Variants in NTM observed in about 807,000 individuals in gnomAD.
The protein encoded by NTM is IgLON family member 2.
A neutral mutation model predicts 42.1 loss-of-function variants in NTM; 13 were observed. The observed-to-expected ratio is 0.31, with a 90% confidence interval of 0.20 to 0.49. NTM has a LOEUF of 0.49. Among genes scored for constraint, NTM ranks in the 20% least tolerant of loss-of-function variants. The pLI is 0.99. For missense variants in NTM, 373 were observed against 452.8 expected (o/e 0.82, Z 1.60); for synonymous variants, 187 against 179.2 (o/e 1.04, Z -0.35).
chr11:131,527,081 C>G (rs1387960445), intron 1 of NTM, among the ~76,000 whole-genome samples: 1 of 152,170 alleles, frequency 6.6e-6, no homozygotes, highest in African/African-American at 2.4e-5. Flanking sequence ...TCTCACCCAG[C>G]CAGTGCATCA....
At chr11:131,513,378 A>G (rs1182121696) in intron 1 of NTM, among the ~76,000 whole-genome samples, 2 of 152,192 alleles carry the variant, frequency 1.3e-5, no homozygotes, top group Non-Finnish European at 2.9e-5. Flanking sequence ...GGCACCCAAG[A>G]GGTCCACAGA....
chr11:131,648,899 T>C (rs1013791795), intron 1 of NTM, among the ~76,000 whole-genome samples: 1 of 152,124 alleles, frequency 6.6e-6, no homozygotes, highest in Non-Finnish European at 1.5e-5. Flanking sequence ...TGGTGGCACA[T>C]CCAGAAAGAA....
At chr11:132,075,271 G>A (rs904785675) in intron 2 of NTM, among the ~76,000 whole-genome samples, 5 of 152,192 alleles carry the variant, frequency 3.3e-5, no homozygotes, top group Non-Finnish European at 5.9e-5. Flanking sequence ...TCTGGTTACC[G>A]TATTATACAC....
intron 1 of NTM, among the ~76,000 whole-genome samples, chr11:131,590,174 C>T (rs2059240664): frequency 1.3e-5 from 2 of 152,192 alleles, no homozygotes; most frequent in Non-Finnish European, 2.9e-5. Flanking sequence ...ACCTCTGTCC[C>T]CTCCCCAGTC....
intron 1 of NTM, among the ~76,000 whole-genome samples, chr11:131,448,718 G>C (rs1950254049): frequency 6.6e-6 from 1 of 152,182 alleles, no homozygotes; most frequent in Non-Finnish European, 1.5e-5. Flanking sequence ...CTGCAGGCTG[G>C]AGAAGGCCTC....
chr11:131,584,676 C>T lies in NTM; in HGVS notation c.82+213788C>T, dbSNP rs923640854. 5.3e-5 allele frequency among the ~76,000 whole-genome samples: 8 copies of T among 152,360 alleles called. No individual in the cohort carries two copies. In the South Asian group the frequency reaches 1.7e-3, roughly 32 times the overall value. ...AAATTTGTTACTACCCCTGGGGTTTCGGCAAGATGCCCAAGATATCTGCAA... is the reference window on the plus strand; with the variant it reads ...AAATTTGTTACTACCCCTGGGGTTTTGGCAAGATGCCCAAGATATCTGCAA... On this transcript the variant is annotated intron_variant, in intron 1 of 8. Coordinates refer to ENST00000683400, the MANE Select transcript of NTM (RefSeq NM_001352005.2).
rs1014072528 is a variant in NTM at position 131,524,580 on chromosome 11, C to T, written c.82+153692C>T. 3.9e-5 allele frequency among the ~76,000 whole-genome samples: 6 copies of T among 152,208 alleles called. No individual in the cohort carries two copies. The East Asian group carries it at 5.8e-4, about 15-fold the overall frequency. On this transcript the variant is annotated intron_variant, in intron 1 of 8. Coordinates refer to ENST00000683400, the MANE Select transcript of NTM (RefSeq NM_001352005.2). ...AATAGTAAAAGTGACTAGCCATAGC[C>T]GCTGATTAACCAATTAATCTTGAAC... is the stretch of plus-strand genomic sequence containing the variant.
chr11:131,396,800 C>A (rs945070729), intron 1 of NTM, among the ~76,000 whole-genome samples: 3 of 151,774 alleles, frequency 2.0e-5, no homozygotes, highest in African/African-American at 7.3e-5. Flanking sequence ...TGCCACTGCA[C>A]TCCAGCCCGG....
At chr11:131,987,424 C>CTATTA (rs1181325799) in intron 2 of NTM, among the ~76,000 whole-genome samples, 1 of 123,930 alleles carries the variant, frequency 8.1e-6, no homozygotes, top group African/African-American at 2.7e-5. Flanking sequence ...CTATTCTATT[C>CTATTA]TATTCTATTT....
chr11:132,236,114 A>G (rs2088832008), intron 4 of NTM, among the ~76,000 whole-genome samples: 1 of 152,148 alleles, frequency 6.6e-6, no homozygotes, highest in African/African-American at 2.4e-5. Context: ...TTTCGTTGTC[A>G]TTGAAGGCAT....
chr11:131,571,266 G>A (rs1185636850), intron 1 of NTM, among the ~76,000 whole-genome samples: 5 of 152,144 alleles, frequency 3.3e-5, no homozygotes, highest in African/African-American at 4.8e-5. Context: ...TAGCTTGGCC[G>A]GAGCTGCTCA....
chr11:132,300,704 C>T (rs570674526), intron 4 of NTM, among the ~76,000 whole-genome samples: 30 of 152,164 alleles, frequency 2.0e-4, no homozygotes, highest in South Asian at 4.2e-4. Flanking sequence ...TCTAGCTTAG[C>T]GGCACAGATT....
At chr11:131,391,914 C>G (rs1281287820) in intron 1 of NTM, among the ~76,000 whole-genome samples, 2 of 152,110 alleles carry the variant, frequency 1.3e-5, no homozygotes, top group Non-Finnish European at 2.9e-5. Flanking sequence ...GGAAAATAAC[C>G]AATCTTCTGC....
At chr11:131,621,247 A>G (rs1351547897) in intron 1 of NTM, among the ~76,000 whole-genome samples, 1 of 152,220 alleles carries the variant, frequency 6.6e-6, no homozygotes, top group African/African-American at 2.4e-5. Flanking sequence ...CCAGCTAGGT[A>G]TTTATCCCCT....
chr11:132,062,629 A>C (rs1304081181), intron 2 of NTM, among the ~76,000 whole-genome samples: 1 of 152,180 alleles, frequency 6.6e-6, no homozygotes, highest in Non-Finnish European at 1.5e-5. Context: ...GCTATTTAGG[A>C]TTGTAGATAT....
chr11:132,170,026 A>G (rs1269553041), intron 3 of NTM, among the ~76,000 whole-genome samples: 2 of 152,190 alleles, frequency 1.3e-5, no homozygotes, highest in South Asian at 4.1e-4. Flanking sequence ...TGGAGAGGGA[A>G]CACAGGTAGC....
At chr11:131,609,587 C>A (rs997858337) in intron 1 of NTM, among the ~76,000 whole-genome samples, 4 of 152,152 alleles carry the variant, frequency 2.6e-5, no homozygotes, top group Admixed American at 1.3e-4. Context: ...CTTGATGGGG[C>A]AAGGCATTGG....
At chr11:131,708,428 T>A (rs971072397) in intron 1 of NTM, among the ~76,000 whole-genome samples, 7 of 152,152 alleles carry the variant, frequency 4.6e-5, no homozygotes, top group African/African-American at 1.4e-4. Context: ...GCAGTAAGTA[T>A]TCCTAAACAT....
intron 2 of NTM, among the ~76,000 whole-genome samples, chr11:132,091,359 G>A (rs2060351820): frequency 6.6e-6 from 1 of 152,020 alleles, no homozygotes; most frequent in Non-Finnish European, 1.5e-5. Context: ...AGTGAGCCAA[G>A]ATCGTGCCAC....
Sources: allele counts gnomAD v4.1 joint callset (sites outside exome capture counted in the v4.1 genomes callset), GRCh38; gene constraint gnomAD v4.1.1; transcripts MANE v1.5; gene names NCBI Gene and HGNC (gene_info 2026-07-23, HGNC 2026-07-21).